Variants in GLI3 observed in about 807,000 individuals in gnomAD.
The protein encoded by GLI3 is transcription activator GLI3.
In GLI3, 20 loss-of-function variants were observed where a neutral mutation model predicts 100.8. The ratio of observed to expected loss-of-function variants is 0.20; its 90% CI spans 0.14 to 0.29. The LOEUF (loss-of-function observed/expected upper bound fraction) is 0.29, where lower values mean the gene tolerates loss of function less well. Ranked by LOEUF, GLI3 falls within the 10% of genes least tolerant of loss-of-function variation. The probability of loss-of-function intolerance (pLI) is 1.00; values close to 1 mark genes in which losing one functional copy is unlikely to be tolerated. For missense variants in GLI3, 2,040 were observed against 2,128.5 expected, an observed-to-expected ratio of 0.96 and a Z score of 0.82; for synonymous variants, 938 against 860.5, an observed-to-expected ratio of 1.09 and a Z score of -1.58.
intron 10 of GLI3, among the ~76,000 whole-genome samples, chr7:42,005,817 AG>A (rs1305129078): frequency 2.0e-5 from 3 of 152,196 alleles, no homozygotes; most frequent in African/African-American, 7.2e-5. Context: ...GACCAAAGAC[AG>A]GGTTCCCCTT....
At chr7:42,096,874 G>A (rs1029440134) in intron 3 of GLI3, among the ~76,000 whole-genome samples, 1 of 152,222 alleles carries the variant, frequency 6.6e-6, no homozygotes, top group Non-Finnish European at 1.5e-5. Flanking sequence ...GTGATTGTGA[G>A]GGTTGGGGAA....
At chr7:42,180,756 C>T (rs60214186) in intron 2 of GLI3, among the ~76,000 whole-genome samples, 15,099 of 152,172 alleles carry the variant, frequency 0.099, 2,521 homozygotes, top group African/African-American at 0.34. Context: ...GTAAGGTTAT[C>T]GCTGAGAAAT....
rs1019045 is a variant in GLI3, at chr7:42,201,208, C to A, written c.124+21922G>T. On this transcript the variant is annotated intron_variant, in intron 2 of 14. Coordinates refer to ENST00000395925, the MANE Select transcript of GLI3 (RefSeq NM_000168.6). The stretch of plus-strand genomic sequence containing the variant: ...AATAAGTTATATGAATGTGATATAT[C>A]TCTCTCTCTCTCTGTCTCTTTCTGA... 4.1e-3 allele frequency among the ~76,000 whole-genome samples: 462 copies of A among 111,598 alleles called. 1 individual carries two copies. The highest frequency in any genetic ancestry group is 0.026 in the Middle Eastern group (5 of 190). 73.2% of individuals were successfully genotyped at this position (111,598 alleles called of 152,430 possible). A position where few individuals can be genotyped will look rare whatever the true frequency, so the allele number is the denominator to read the frequency against.
intron 1 of GLI3, among the ~76,000 whole-genome samples, chr7:42,229,719 T>C (rs1788657008): frequency 6.6e-6 from 1 of 152,198 alleles, no homozygotes; most frequent in African/African-American, 2.4e-5. Flanking sequence ...TGTACCTCCC[T>C]GTAGCTATTT....
At chr7:42,053,152 T>C (rs921262871) in intron 4 of GLI3, among the ~76,000 whole-genome samples, 15 of 152,300 alleles carry the variant, frequency 9.8e-5, no homozygotes, top group South Asian at 6.2e-4. Context: ...TGTGCCACCA[T>C]GCCCAGCTAA....
chr7:42,114,693 TTTTG>T (rs571303286), intron 3 of GLI3, among the ~76,000 whole-genome samples: 20 of 151,946 alleles, frequency 1.3e-4, no homozygotes, highest in Admixed American at 9.8e-4. Context: ...GGGGAGAGTT[TTTTG>T]TTTGTTTGTT....
intron 2 of GLI3, among the ~76,000 whole-genome samples, chr7:42,210,274 T>C (rs984989489): frequency 1.3e-5 from 2 of 151,894 alleles, no homozygotes; most frequent in African/African-American, 4.8e-5. Context: ...AGAGAGAATT[T>C]CTATAAAAAT....
At chr7:42,222,577 GT>G (rs1231019389) in intron 2 of GLI3, among the ~76,000 whole-genome samples, 1 of 152,166 alleles carries the variant, frequency 6.6e-6, no homozygotes, top group Non-Finnish European at 1.5e-5. Context: ...GTGGCTCTGT[GT>G]TATCTCTGAA....
chr7:42,091,520 G>A (rs377034761), intron 3 of GLI3, among the ~76,000 whole-genome samples: 1 of 152,270 alleles, frequency 6.6e-6, no homozygotes, highest in East Asian at 1.9e-4. Flanking sequence ...TGCCACTGGG[G>A]CCTGCGCACA....
At chr7:42,183,231 TA>T (rs962805385) in intron 2 of GLI3, among the ~76,000 whole-genome samples, 70 of 151,254 alleles carry the variant, frequency 4.6e-4, no homozygotes, top group African/African-American at 1.5e-3. Context: ...CTCAAAAAAT[TA>T]AAAAAAAATC....
intron 3 of GLI3, among the ~76,000 whole-genome samples, chr7:42,087,543 G>T (rs1421168964): frequency 6.6e-6 from 1 of 152,198 alleles, no homozygotes; most frequent in African/African-American, 2.4e-5. Context: ...TTTTGACTGA[G>T]AATGCCCTTT....
chr7:42,043,965 G>A (rs562367286), intron 6 of GLI3, among the ~76,000 whole-genome samples: 31 of 152,136 alleles, frequency 2.0e-4, no homozygotes, highest in African/African-American at 6.5e-4. Context: ...ACAACAGAAC[G>A]CCTGAAGAAG....
chr7:42,055,047 A>ATG (rs1562706117), intron 4 of GLI3, among the ~76,000 whole-genome samples: 3 of 134,192 alleles, frequency 2.2e-5, no homozygotes, highest in African/African-American at 8.0e-5. Flanking sequence ...ATACATATAT[A>ATG]TATACACACA....
intron 10 of GLI3, among the ~76,000 whole-genome samples, chr7:41,981,554 G>A (rs1462290790): frequency 6.6e-6 from 1 of 152,184 alleles, no homozygotes; most frequent in Non-Finnish European, 1.5e-5. Flanking sequence ...ACACACTGGA[G>A]GAGCTGGACC....
intron 4 of GLI3, among the ~76,000 whole-genome samples, chr7:42,068,867 T>G (rs1784728274): frequency 1.3e-5 from 2 of 152,170 alleles, no homozygotes; most frequent in African/African-American, 4.8e-5. Flanking sequence ...AACCTCAAAG[T>G]GTCTTCCCAT....
At chr7:41,967,999 T>C in intron 13 of GLI3, 76 bp from the exon 14 acceptor site, 6 of 1,086,480 alleles carry the variant, frequency 5.5e-6, no homozygotes, top group Middle Eastern at 2.4e-4. Context: ...TGAGAGCTCA[T>C]GCATATCGAG....
intron 3 of GLI3, among the ~76,000 whole-genome samples, chr7:42,087,685 AG>A (rs1785130767): frequency 6.7e-6 from 1 of 150,178 alleles, no homozygotes; most frequent in Non-Finnish European, 1.5e-5. Context: ...CAGAAATGAC[AG>A]GGGCCCCTTT....
intron 2 of GLI3, among the ~76,000 whole-genome samples, chr7:42,193,907 A>T (rs1326886693): frequency 1.3e-5 from 2 of 152,254 alleles, no homozygotes; most frequent in East Asian, 3.8e-4. Context: ...AGATAACTTT[A>T]AAGAAAATAA....
At position 42,011,419 on chromosome 7, in the gene GLI3, C is replaced by A. The variant is rs74964635; in HGVS notation, c.1497+12049G>T. On this transcript the variant is annotated intron_variant, in intron 10 of 14. Coordinates refer to ENST00000395925, the MANE Select transcript of GLI3 (RefSeq NM_000168.6). ...AGCAATCCCACTTCTAGGGATATACCCAAAAGAACTGAAAACAGGTGTTCA... is the reference window on the plus strand; with the variant it reads ...AGCAATCCCACTTCTAGGGATATACACAAAAGAACTGAAAACAGGTGTTCA... Among the ~76,000 whole-genome samples, 429 of 152,144 alleles carry A rather than the reference C, an allele frequency of 2.8e-3. 10 individuals carry two copies. In the East Asian group the frequency reaches 0.063, roughly 22 times the overall value.
Sources: allele counts gnomAD v4.1 joint callset (sites outside exome capture counted in the v4.1 genomes callset), GRCh38; gene constraint gnomAD v4.1.1; transcripts MANE v1.5; gene names NCBI Gene and HGNC (gene_info 2026-07-23, HGNC 2026-07-21).